XPNPEP1: variants seen among roughly 807,000 people sequenced by gnomAD.
XPNPEP1 encodes the protein xaa-Pro aminopeptidase 1.
Under a neutral mutation model 92.4 loss-of-function variants are expected in XPNPEP1, and 39 were observed. The observed-to-expected ratio is 0.42, with a 90% CI of 0.33 to 0.55. XPNPEP1 has a LOEUF of 0.55. Among genes scored for constraint, XPNPEP1 ranks in the 20% least tolerant of loss-of-function variants. XPNPEP1 has a pLI of 0.08. For missense variants in XPNPEP1, 654 were observed against 856.1 expected, an observed-to-expected ratio of 0.76 and a Z score of 2.95; for synonymous variants, 307 against 299.4, an observed-to-expected ratio of 1.03 and a Z score of -0.26.
intron 15 of XPNPEP1, among the ~76,000 whole-genome samples, chr10:109,875,207 G>A (rs1032747814): frequency 1.7e-4 from 26 of 152,282 alleles, no homozygotes; most frequent in Admixed American, 1.0e-3. Context: ...ACAGGGAACC[G>A]GCAGGCGGTT....
At chr10:109,884,419 G>A in intron 8 of XPNPEP1, 1 of 386,896 alleles carries the variant, frequency 2.6e-6, no homozygotes. Context: ...GAAATCCTGA[G>A]AACTGCCCCC....
At chr10:109,885,709 CCG>C (rs1848352368) in intron 8 of XPNPEP1, among the ~76,000 whole-genome samples, 2 of 152,132 alleles carry the variant, frequency 1.3e-5, no homozygotes, top group Non-Finnish European at 2.9e-5. Context: ...CAACCAGATT[CCG>C]TCAGGTTTTA....
intron 1 of XPNPEP1, 174 bp downstream of exon 1, chr10:109,923,228 T>G (rs1242312269): frequency 1.0e-6 from 1 of 985,150 alleles, no homozygotes; most frequent in African/African-American, 1.7e-5. Flanking sequence ...CCCGGCCTCA[T>G]GGACCCCTTC....
intron 19 of XPNPEP1, among the ~76,000 whole-genome samples, chr10:109,869,014 G>A (rs546008946): frequency 6.6e-6 from 1 of 152,192 alleles, no homozygotes; most frequent in Non-Finnish European, 1.5e-5. Flanking sequence ...GCAGGATATG[G>A]GGGTATCTGG....
intron 3 of XPNPEP1, among the ~76,000 whole-genome samples, chr10:109,903,220 C>T (rs1179830065): frequency 2.6e-5 from 4 of 152,180 alleles, no homozygotes; most frequent in African/African-American, 9.7e-5. Flanking sequence ...ACACCCTTAA[C>T]CAGAAACCTT....
intron 2 of XPNPEP1, 119 bp downstream of exon 2, chr10:109,914,892 C>T (rs1244433921): frequency 4.1e-6 from 2 of 490,162 alleles, no homozygotes; most frequent in African/African-American, 2.0e-5. Context: ...CAGATACTAA[C>T]CCCCAGTCAT....
At chr10:109,879,336 C>T (rs1208849590) in intron 12 of XPNPEP1, among the ~76,000 whole-genome samples, 2 of 151,994 alleles carry the variant, frequency 1.3e-5, no homozygotes, top group Non-Finnish European at 2.9e-5. Context: ...CTTTGGGAGG[C>T]CGAGGTGGGT....
At chr10:109,899,801 A>C (rs560004618) in intron 3 of XPNPEP1, among the ~76,000 whole-genome samples, 1 of 152,208 alleles carries the variant, frequency 6.6e-6, no homozygotes, top group East Asian at 1.9e-4. Flanking sequence ...GCCCAACAAC[A>C]TAATATGGGG....
chr10:109,890,171 C>A (rs1848619034), intron 5 of XPNPEP1, among the ~76,000 whole-genome samples: 1 of 152,146 alleles, frequency 6.6e-6, no homozygotes, highest in South Asian at 2.1e-4. Flanking sequence ...CCTCTGCCAC[C>A]CCCTTGCTGC....
At chr10:109,895,425 C>CCAAAGGGAGGTGGAATTAACAG in intron 3 of XPNPEP1, among the ~76,000 whole-genome samples, 1 of 152,240 alleles carries the variant, frequency 6.6e-6, no homozygotes, top group Non-Finnish European at 1.5e-5. Flanking sequence ...AAGAGTTCCT[C>CCAAAGGGAGGTGGAATTAACAG]CAAAGGGAGG....
chr10:109,901,577 G>A (rs1849292409), intron 3 of XPNPEP1, among the ~76,000 whole-genome samples: 1 of 152,154 alleles, frequency 6.6e-6, no homozygotes, highest in Non-Finnish European at 1.5e-5. Context: ...CACACTTTAA[G>A]TAAACTTACA....
In XPNPEP1 at chr10:109,865,237, C is replaced by T. The variant is rs1847069527; in HGVS notation, c.1948G>A (p.Glu650Lys). 2 of 1,614,186 alleles carry T rather than the reference C, an allele frequency of 1.2e-6. No homozygotes were observed. Reference sequence around the variant, plus strand: ...TCTCTGATGAGCCACTCGAGAGCTTCCTGGCGGCCCTGTTTCTGCAATTCC... The same window carrying T: ...TCTCTGATGAGCCACTCGAGAGCTTTCTGGCGGCCCTGTTTCTGCAATTCC... ...GKELQKQGRQ[E>K]ALEWLIRETQ... Residue 650 changes from glutamate (E) to lysine (K), a missense_variant, in exon 21 of 21, where the codon GAA (glutamate) becomes AAA (lysine). Glu to Lys is a moderately conservative substitution (Grantham distance 56, BLOSUM62 1). Coordinates refer to ENST00000502935, the MANE Select transcript of XPNPEP1 (RefSeq NM_020383.4).
At chr10:109,905,702 A>AATGTCATATTATAC (rs1849522655) in intron 3 of XPNPEP1, among the ~76,000 whole-genome samples, 2 of 152,340 alleles carry the variant, frequency 1.3e-5, no homozygotes, top group South Asian at 4.1e-4. Context: ...GGTTAAAATA[A>AATGTCATATTATAC]ATGTCATATT....
At chr10:109,887,979 G>A (rs1848487042) in intron 7 of XPNPEP1, 70 bp downstream of exon 7, 1 of 1,587,162 alleles carries the variant, frequency 6.3e-7, no homozygotes, top group Admixed American at 1.7e-5. Context: ...GGAGGACGAG[G>A]CTGGAGACAA....
intron 10 of XPNPEP1, among the ~76,000 whole-genome samples, chr10:109,882,060 T>G (rs1015506216): frequency 1.3e-5 from 2 of 152,226 alleles, no homozygotes; most frequent in African/African-American, 4.8e-5. Flanking sequence ...CTTAGTACTT[T>G]ACTTTAGACC....
Position 109,864,932 on chromosome 10 carries a change from C to A in XPNPEP1, c.*252G>T. ...CATCTTCCTTTCACCAAGTGTTCAACTTTGGAGGGACCCTCCTTCTGGTGC... is the reference window on the plus strand; with the variant it reads ...CATCTTCCTTTCACCAAGTGTTCAAATTTGGAGGGACCCTCCTTCTGGTGC... On this transcript the variant is annotated 3_prime_UTR_variant, in exon 21 of 21. Transcript: ENST00000502935. 1 of 503,886 alleles carries A rather than the reference C, an allele frequency of 2.0e-6. No homozygotes were observed. Among genetic ancestry groups the A allele is most frequent in the Non-Finnish European group, 3.4e-6 (1 of 290,710 alleles). 31.2% of individuals were successfully genotyped at this position (503,886 alleles called of 1,614,324 possible). A position where few individuals can be genotyped will look rare whatever the true frequency, so the allele number is the denominator to read the frequency against.
chr10:109,874,152 T>C (rs1213329836), intron 15 of XPNPEP1, among the ~76,000 whole-genome samples: 3 of 152,238 alleles, frequency 2.0e-5, no homozygotes. Flanking sequence ...AATGAAGTTA[T>C]TTTAAAAAAT....
chr10:109,889,972 T>C (rs1025789471), intron 5 of XPNPEP1, among the ~76,000 whole-genome samples: 3 of 152,216 alleles, frequency 2.0e-5, no homozygotes, highest in Admixed American at 6.5e-5. Flanking sequence ...CAGTTTCTCC[T>C]AATGCCCTAG....
At chr10:109,884,254 G>C (rs1848267493) in intron 8 of XPNPEP1, 106 bp from the exon 9 acceptor site, 2 of 1,067,440 alleles carry the variant, frequency 1.9e-6, no homozygotes, top group South Asian at 2.9e-5. Flanking sequence ...TGCTGCGCAA[G>C]GATTCAGTGG....
Sources: allele counts gnomAD v4.1 joint callset (sites outside exome capture counted in the v4.1 genomes callset), GRCh38; gene constraint gnomAD v4.1.1; transcripts MANE v1.5; gene names NCBI Gene and HGNC (gene_info 2026-07-23, HGNC 2026-07-21).